Variants in SLC33A2 observed in about 807,000 individuals in gnomAD.
SLC33A2 encodes the protein solute carrier family 33 member 2.
the SLC33A2 span, chr8:144,510,255 TG>T: frequency 3.3e-6 from 5 of 1,528,050 alleles, no homozygotes; most frequent in South Asian, 4.9e-5. Flanking sequence ...TCTGCAGCTC[TG>T]GAACACTGAG....
the SLC33A2 span, chr8:144,510,838 C>A: frequency 1.2e-6 from 2 of 1,610,818 alleles, no homozygotes; most frequent in Non-Finnish European, 1.7e-6. Context: ...CTTGGGAGGC[C>A]TGGTCACCAC....
the SLC33A2 span, chr8:144,510,215 C>A: frequency 7.3e-7 from 1 of 1,373,434 alleles, no homozygotes; most frequent in Non-Finnish European, 9.8e-7. Flanking sequence ...CCTGAGCGCT[C>A]TCTCGGGCTG....
the SLC33A2 span, chr8:144,510,343 C>T: frequency 5.8e-3 from 9,321 of 1,610,768 alleles, 194 homozygotes; most frequent in African/African-American, 0.066. Flanking sequence ...GTGCTCATGC[C>T]CCCCCCACCA....
At chr8:144,510,447 G>A in the SLC33A2 span, 12 of 1,612,764 alleles carry the variant, frequency 7.4e-6, no homozygotes, top group Non-Finnish European at 9.3e-6. Flanking sequence ...AATGGTGTGG[G>A]TGCTGTGGTC....
chr8:144,510,846 C>T, the SLC33A2 span: 1 of 1,610,502 alleles, frequency 6.2e-7, no homozygotes, highest in Non-Finnish European at 8.5e-7. Context: ...GCCTGGTCAC[C>T]ACAGTCACCT....
the SLC33A2 span, chr8:144,510,212 G>A: frequency 1.6e-5 from 22 of 1,337,560 alleles, no homozygotes; most frequent in Non-Finnish European, 2.1e-5. Context: ...ATCCCTGAGC[G>A]CTCTCTCGGG....
chr8:144,509,453 G>A, the SLC33A2 span: 1 of 1,534,962 alleles, frequency 6.5e-7, no homozygotes. Context: ...TGACGCGCGT[G>A]GGGCTGGCCA....
the SLC33A2 span, chr8:144,510,147 C>T: frequency 7.7e-7 from 1 of 1,303,602 alleles, no homozygotes; most frequent in South Asian, 1.4e-5. Flanking sequence ...TTGGCCCTGA[C>T]ATCCGGGGCT....
At chr8:144,509,536 C>T in the SLC33A2 span, 1 of 1,523,380 alleles carries the variant, frequency 6.6e-7, no homozygotes, top group Admixed American at 2.0e-5. Context: ...TCGGCGAGGG[C>T]CTGGGTGACG....
chr8:144,509,644 T>C, the SLC33A2 span: 3 of 1,542,712 alleles, frequency 1.9e-6, no homozygotes, highest in Non-Finnish European at 2.6e-6. Context: ...GTGGCGGGGT[T>C]GCTGCTGTTG....
the SLC33A2 span, chr8:144,509,219 C>G: frequency 1.6e-5 from 18 of 1,123,518 alleles, no homozygotes; most frequent in Non-Finnish European, 2.2e-5. Flanking sequence ...TCTGCCCGGT[C>G]CCAGAACCAA....
chr8:144,510,925 A>G, the SLC33A2 span: 1 of 1,601,490 alleles, frequency 6.2e-7, no homozygotes, highest in Non-Finnish European at 8.5e-7. Context: ...TAGCAGGGAC[A>G]CAAGAGAGAC....
chr8:144,509,381 C>T, the SLC33A2 span: 5 of 1,521,682 alleles, frequency 3.3e-6, no homozygotes, highest in Non-Finnish European at 4.4e-6. Flanking sequence ...TGGTGCAGGG[C>T]CTGCCCTACG....
the SLC33A2 span, chr8:144,510,197 G>GC: frequency 7.7e-7 from 1 of 1,302,232 alleles, no homozygotes; most frequent in Non-Finnish European, 1.0e-6. Flanking sequence ...CCCAGCTCTA[G>GC]CCCCATCCCT....
At chr8:144,509,682 G>A in the SLC33A2 span, 1 of 1,560,118 alleles carries the variant, frequency 6.4e-7, no homozygotes, top group Admixed American at 1.9e-5. Flanking sequence ...CATGCAGGAT[G>A]TGGCCCTGGA....
the SLC33A2 span, chr8:144,510,983 C>T: frequency 1.3e-6 from 2 of 1,600,006 alleles, no homozygotes; most frequent in Admixed American, 1.7e-5. Context: ...GACCCCCACC[C>T]CCCTCAGGCC....
the SLC33A2 span, chr8:144,509,869 C>T: frequency 1.3e-6 from 2 of 1,540,958 alleles, no homozygotes. Flanking sequence ...CTGGCCGCGG[C>T]CCTGGCCTGG....
the SLC33A2 span, chr8:144,510,086 C>G: frequency 2.7e-6 from 4 of 1,507,640 alleles, no homozygotes. Context: ...TCCCCAGGGG[C>G]TTGCAACCCA....
the SLC33A2 span, chr8:144,509,413 C>T: frequency 2.0e-6 from 3 of 1,529,044 alleles, no homozygotes; most frequent in South Asian, 3.6e-5. Context: ...GGCCTCCTGC[C>T]AGTGCTGCTG....
Sources: gnomAD v4.1 joint callset for allele counts on GRCh38, gnomAD v4.1.1 for gene constraint, MANE v1.5 for transcripts, NCBI Gene and HGNC (gene_info 2026-07-23, HGNC 2026-07-21) for gene names.